Variants in KAT6B observed in about 807,000 individuals in gnomAD.
KAT6B encodes lysine acetyltransferase 6B, also known as histone acetyltransferase KAT6B.
A neutral mutation model predicts 187.5 loss-of-function variants in KAT6B; 10 were observed. The ratio of observed to expected loss-of-function variants is 0.05; its 90% confidence interval spans 0.03 to 0.09. The LOEUF (loss-of-function observed/expected upper bound fraction) is 0.09. Ranked by LOEUF, KAT6B falls within the 10% of genes least tolerant of loss-of-function variation. KAT6B has a pLI of 1.00. For synonymous variants in KAT6B, 861 were observed against 926.8 expected (o/e 0.93, Z 1.29); for missense variants, 1,952 against 2,558.9 (o/e 0.76, Z 5.12).
At chr10:74,916,997 C>T (rs985590453) in intron 3 of KAT6B, among the ~76,000 whole-genome samples, 5 of 152,190 alleles carry the variant, frequency 3.3e-5, no homozygotes, top group Non-Finnish European at 5.9e-5. Flanking sequence ...CCCAGGTACT[C>T]GGGAGGCTGA....
intron 3 of KAT6B, among the ~76,000 whole-genome samples, chr10:74,949,801 A>G (rs1449044481): frequency 6.6e-6 from 1 of 152,222 alleles, no homozygotes; most frequent in Non-Finnish European, 1.5e-5. Flanking sequence ...CTTTAAATGA[A>G]AAAAGAAGCG....
At chr10:74,872,913 C>A (rs1406901909) in intron 3 of KAT6B, among the ~76,000 whole-genome samples, 1 of 152,034 alleles carries the variant, frequency 6.6e-6, no homozygotes, top group Admixed American at 6.6e-5. Context: ...GGAAAACTGG[C>A]AAATTTGGAA....
intron 3 of KAT6B, among the ~76,000 whole-genome samples, chr10:74,912,964 G>T (rs1413341144): frequency 6.6e-6 from 1 of 152,128 alleles, no homozygotes; most frequent in African/African-American, 2.4e-5. Context: ...GGGTTGTTCA[G>T]TCAATTGCAA....
chr10:74,977,540 C>G (rs1842240891), intron 9 of KAT6B, 103 bp downstream of exon 9: 3 of 1,380,230 alleles, frequency 2.2e-6, no homozygotes, highest in Non-Finnish European at 3.1e-6. Context: ...CTTTCAACAT[C>G]CTTTGTGATT....
intron 13 of KAT6B, 145 bp downstream of exon 13, chr10:74,989,257 A>C (rs138508120): frequency 2.9e-4 from 202 of 686,210 alleles, no homozygotes; most frequent in Non-Finnish European, 3.6e-4. Context: ...CATAGGTTAG[A>C]ACATCTTCCT....
chr10:74,893,827 C>T (rs747142050), intron 3 of KAT6B, among the ~76,000 whole-genome samples: 1 of 151,996 alleles, frequency 6.6e-6, no homozygotes, highest in Non-Finnish European at 1.5e-5. Flanking sequence ...ATGACAAAAT[C>T]AATCAACAAT....
At chr10:74,826,551 G>A (rs146408360), upstream of KAT6B, 1,178 of 153,258 alleles carry the variant, frequency 7.7e-3, 29 homozygotes, top group African/African-American at 0.025. Flanking sequence ...GAGCAGCGGC[G>A]GGGCGGGACC....
At chr10:74,852,014 T>C (rs1044643209) in intron 3 of KAT6B, among the ~76,000 whole-genome samples, 2 of 152,224 alleles carry the variant, frequency 1.3e-5, no homozygotes, top group African/African-American at 4.8e-5. Context: ...GGACTATTCA[T>C]TAGTCCATAT....
At chr10:74,977,863 C>A (rs916895919) in intron 9 of KAT6B, among the ~76,000 whole-genome samples, 1 of 152,208 alleles carries the variant, frequency 6.6e-6, no homozygotes, top group African/African-American at 2.4e-5. Context: ...ATTTTTAGCT[C>A]TTCTGCATTG....
chr10:74,944,769 A>G (rs1044031749), intron 3 of KAT6B, among the ~76,000 whole-genome samples: 14 of 138,924 alleles, frequency 1.0e-4, no homozygotes, highest in African/African-American at 3.5e-4. Flanking sequence ...AGATCGCGCC[A>G]CTGCACTCCA....
chr10:74,869,796 G>C (rs1187184197), intron 3 of KAT6B, among the ~76,000 whole-genome samples: 2 of 152,156 alleles, frequency 1.3e-5, no homozygotes, highest in African/African-American at 4.8e-5. Context: ...CCTTATTTCT[G>C]CTGTATGGAT....
chr10:74,965,982 G>A (rs183365752), intron 4 of KAT6B, among the ~76,000 whole-genome samples: 8 of 151,518 alleles, frequency 5.3e-5, no homozygotes, highest in East Asian at 1.9e-4. Flanking sequence ...TGATCCACCC[G>A]CCTTGGCCTC....
Position 74,856,297 on chromosome 10 carries a change from G to A in KAT6B, c.621+12819G>A, listed in dbSNP as rs1024732763. Among the ~76,000 whole-genome samples the A allele has an allele frequency of 3.3e-5, 5 of 152,206 alleles. No individual in the cohort carries two copies. In the South Asian group the frequency reaches 8.3e-4, roughly 25 times the overall value. On this transcript the variant is annotated intron_variant, in intron 3 of 17. Coordinates refer to ENST00000287239, the MANE Select transcript of KAT6B (RefSeq NM_012330.4). The stretch of plus-strand genomic sequence containing the variant: ...TGATGGGGTTTCGCCAGGTTGGCCA[G>A]GCTGGTCTTGAACTCCTGACATCAG...
rs768859738 is a variant in KAT6B, at chr10:75,028,477, C to T, written c.3665-12C>T. 6 of 1,613,662 alleles carry T rather than the reference C, an allele frequency of 3.7e-6. No individual in the cohort carries two copies. In the African/African-American group the frequency reaches 5.3e-5, roughly 14 times the overall value. On this transcript the variant is annotated splice_polypyrimidine_tract_variant and intron_variant, in intron 17 of 17. Coordinates refer to ENST00000287239, the MANE Select transcript of KAT6B (RefSeq NM_012330.4). ...TGTTTTTTTTCCTTCCCGTTTTTGTCTCTTCACTAAGACAATATGAATGAT... is the reference window on the plus strand; with the variant it reads ...TGTTTTTTTTCCTTCCCGTTTTTGTTTCTTCACTAAGACAATATGAATGAT...
At chr10:74,899,397 C>T (rs564339699) in intron 3 of KAT6B, among the ~76,000 whole-genome samples, 1 of 151,516 alleles carries the variant, frequency 6.6e-6, no homozygotes, top group South Asian at 2.1e-4. Context: ...CCTCACCCTC[C>T]CCAGTAGCTG....
At chr10:74,994,085 A>C (rs1365865304) in intron 13 of KAT6B, among the ~76,000 whole-genome samples, 2 of 152,190 alleles carry the variant, frequency 1.3e-5, no homozygotes, top group Non-Finnish European at 2.9e-5. Context: ...GCTCTTATCT[A>C]AAATAATTAT....
Position 74,873,631 on chromosome 10 carries a change from A to C in KAT6B, c.621+30153A>C, listed in dbSNP as rs188307728. Among the ~76,000 whole-genome samples the C allele has an allele frequency of 3.7e-4, 56 of 152,262 alleles. No individual in the cohort carries two copies. The East Asian group carries it at 8.9e-3, about 24-fold the overall frequency. The stretch of plus-strand genomic sequence containing the variant: ...ACAGTGGGGATGGAGAGATGAGGAC[A>C]GATCTGAAATATGTTTTGAAGAACA... On this transcript the variant is annotated intron_variant, in intron 3 of 17. Transcript: ENST00000287239.
chr10:75,031,756 G>A lies in KAT6B; in HGVS notation c.*710G>A. 4.8e-6 allele frequency: 1 copy of A among 209,906 alleles called. No homozygotes were observed. Among genetic ancestry groups the A allele is most frequent in the Non-Finnish European group, 9.7e-6 (1 of 103,196 alleles). 13.0% of individuals were successfully genotyped at this position (209,906 alleles called of 1,614,324 possible). A position where few individuals can be genotyped will look rare whatever the true frequency, so the allele number is the denominator to read the frequency against. ...TTCCATTTTGGTGACAGATTTCTTTGGGGAAAAAAGGCAGCTTTCTGTTTT... is the reference window on the plus strand; with the variant it reads ...TTCCATTTTGGTGACAGATTTCTTTAGGGAAAAAAGGCAGCTTTCTGTTTT... On this transcript the variant is annotated 3_prime_UTR_variant, in exon 18 of 18. Transcript: ENST00000287239.
intron 3 of KAT6B, among the ~76,000 whole-genome samples, chr10:74,903,861 T>C (rs142617656): frequency 0.013 from 1,980 of 152,294 alleles, 36 homozygotes; most frequent in Non-Finnish European, 0.016. Flanking sequence ...CTCTCAGGGG[T>C]AGACTTACAG....
Sources: allele counts gnomAD v4.1 joint callset (sites outside exome capture counted in the v4.1 genomes callset), GRCh38; gene constraint gnomAD v4.1.1; transcripts MANE v1.5; gene names NCBI Gene and HGNC (gene_info 2026-07-23, HGNC 2026-07-21).